KCNH5: variants seen among roughly 807,000 people sequenced by gnomAD.
KCNH5 encodes the protein voltage-gated delayed rectifier potassium channel KCNH5.
Under a neutral mutation model 96.1 loss-of-function variants are expected in KCNH5, and 46 were observed. The observed-to-expected ratio is 0.48, with a 90% CI of 0.38 to 0.61. The LOEUF is 0.61. KCNH5 is among the 20% of genes least tolerant of loss of function. KCNH5 has a pLI of 0.00. For missense variants in KCNH5, 907 were observed against 1,225.8 expected, an observed-to-expected ratio of 0.74 and a Z score of 3.88; for synonymous variants, 439 against 449.8, an observed-to-expected ratio of 0.98 and a Z score of 0.30.
At chr14:62,956,883 A>G (rs908768483) in intron 6 of KCNH5, among the ~76,000 whole-genome samples, 29 of 152,072 alleles carry the variant, frequency 1.9e-4, no homozygotes, top group African/African-American at 6.3e-4. Context: ...TTAGATATTC[A>G]TTGATTTTCT....
At chr14:62,913,414 G>T (rs2050009155) in intron 7 of KCNH5, among the ~76,000 whole-genome samples, 1 of 149,954 alleles carries the variant, frequency 6.7e-6, no homozygotes, top group Non-Finnish European at 1.5e-5. Flanking sequence ...TTTTAGTAGA[G>T]ACGGGGTTTT....
At chr14:62,794,800 T>G (rs560377788) in intron 9 of KCNH5, among the ~76,000 whole-genome samples, 23 of 152,260 alleles carry the variant, frequency 1.5e-4, no homozygotes, top group South Asian at 4.1e-4. Flanking sequence ...TTAAATCCCT[T>G]TTAATTCTTA....
intron 10 of KCNH5, among the ~76,000 whole-genome samples, chr14:62,732,894 T>G (rs1485176490): frequency 2.0e-5 from 3 of 152,074 alleles, no homozygotes; most frequent in Non-Finnish European, 4.4e-5. Context: ...TCTGTCTCTC[T>G]CTCTTTCTCG....
chr14:63,033,189 C>G (rs953726211), intron 1 of KCNH5, among the ~76,000 whole-genome samples: 6 of 152,184 alleles, frequency 3.9e-5, no homozygotes, highest in African/African-American at 1.2e-4. Context: ...GCTTTTGGGA[C>G]TATGAGGTTT....
chr14:62,733,004 G>T (rs1354214582), intron 10 of KCNH5, among the ~76,000 whole-genome samples: 1 of 151,294 alleles, frequency 6.6e-6, no homozygotes, highest in Non-Finnish European at 1.5e-5. Flanking sequence ...GATAATAAAT[G>T]ATAGTGGTGT....
chr14:62,787,899 T>C (rs765178363), intron 9 of KCNH5, among the ~76,000 whole-genome samples: 1 of 152,180 alleles, frequency 6.6e-6, no homozygotes, highest in Admixed American at 6.6e-5. Context: ...TCATTGACAA[T>C]GCATCTGGTC....
intron 7 of KCNH5, among the ~76,000 whole-genome samples, chr14:62,865,416 A>C (rs1482180107): frequency 6.6e-6 from 1 of 152,154 alleles, no homozygotes; most frequent in African/African-American, 2.4e-5. Context: ...CAGGTAAACA[A>C]GCTACCAGAT....
chr14:63,029,931 C>T (rs2139621956), intron 1 of KCNH5, among the ~76,000 whole-genome samples: 1 of 152,108 alleles, frequency 6.6e-6, no homozygotes, highest in Non-Finnish European at 1.5e-5. Flanking sequence ...TTTCTTTTAG[C>T]TTTAAAACAT....
At chr14:62,936,674 C>CAA (rs3080873) in intron 7 of KCNH5, among the ~76,000 whole-genome samples, 17 of 119,732 alleles carry the variant, frequency 1.4e-4, no homozygotes, top group Non-Finnish European at 1.6e-4. Context: ...GACCCTGCCT[C>CAA]AAAAAAAAAA....
At position 62,813,706 on chromosome 14, in the gene KCNH5, C is replaced by T. The variant is rs535468271; in HGVS notation, c.1570-11125G>A. On this transcript the variant is annotated intron_variant, in intron 8 of 10. Transcript: ENST00000322893. Reference sequence around the variant, plus strand: ...TGTTAATTAATCTCTCTTCATGAATCTAATGGAGCTGGTATTATTAAGTCA... The same window carrying T: ...TGTTAATTAATCTCTCTTCATGAATTTAATGGAGCTGGTATTATTAAGTCA... Among the ~76,000 whole-genome samples, 216 of 152,258 alleles carry T rather than the reference C, an allele frequency of 1.4e-3. 1 individual carries two copies. Among genetic ancestry groups the T allele is most frequent in the Middle Eastern group, 3.4e-3 (1 of 294 alleles).
At chr14:62,802,275 A>T in intron 9 of KCNH5, 54 bp downstream of exon 9, 1 of 1,554,766 alleles carries the variant, frequency 6.4e-7, no homozygotes, top group Non-Finnish European at 8.7e-7. Context: ...GAAAAGCAAA[A>T]TATCTAAAAC....
chr14:62,943,003 C>T (rs1273047457), intron 7 of KCNH5, among the ~76,000 whole-genome samples: 1 of 152,116 alleles, frequency 6.6e-6, no homozygotes, highest in Non-Finnish European at 1.5e-5. Context: ...AAATTCCAAT[C>T]TCATAGCCCT....
At chr14:62,947,714 G>GACACACAC (rs373941818) in intron 7 of KCNH5, among the ~76,000 whole-genome samples, 3 of 149,520 alleles carry the variant, frequency 2.0e-5, no homozygotes, top group East Asian at 1.9e-4. Context: ...GGACAGCTTA[G>GACACACAC]ACACACACAC....
At chr14:62,805,748 A>G (rs959192497) in intron 8 of KCNH5, among the ~76,000 whole-genome samples, 1 of 152,204 alleles carries the variant, frequency 6.6e-6, no homozygotes, top group African/African-American at 2.4e-5. Context: ...ATTATATTTC[A>G]GAAGAAAATA....
At chr14:62,712,420 C>T in intron 10 of KCNH5, 1 of 535,874 alleles carries the variant, frequency 1.9e-6, no homozygotes, top group Non-Finnish European at 3.3e-6. Context: ...ACCTATTATT[C>T]TCTACTGTAG....
At chr14:62,850,026 C>T (rs532365283) in intron 7 of KCNH5, among the ~76,000 whole-genome samples, 174 bp from the exon 8 acceptor site, 1 of 152,106 alleles carries the variant, frequency 6.6e-6, no homozygotes, top group Non-Finnish European at 1.5e-5. Flanking sequence ...GAAAACATTA[C>T]CTGCAGTAGG....
rs142060446 is a variant in KCNH5, at chr14:62,938,123, G to T, written c.1369+12010C>A. ...TACAGGACACTTTAAATGAGTAATG[G>T]TCCCAAATTAGACCTTCACAGCTTA... On this transcript the variant is annotated intron_variant, in intron 7 of 10. Coordinates refer to ENST00000322893, the MANE Select transcript of KCNH5 (RefSeq NM_139318.5). 2.6e-4 allele frequency among the ~76,000 whole-genome samples: 39 copies of T among 152,186 alleles called. No individual in the cohort carries two copies. In the East Asian group the frequency reaches 6.4e-3, roughly 25 times the overall value.
intron 7 of KCNH5, among the ~76,000 whole-genome samples, chr14:62,871,901 C>A (rs769120277): frequency 6.6e-6 from 1 of 152,142 alleles, no homozygotes; most frequent in Non-Finnish European, 1.5e-5. Flanking sequence ...CAGACTGAGT[C>A]ATTGTTTGTG....
chr14:62,939,587 C>G lies in KCNH5; in HGVS notation c.1369+10546G>C, dbSNP rs17100549. ...AGAAATCTACAAGTGCTTTTGAACT[C>G]GTCCTTCTAAAATACCCCACATATT... On this transcript the variant is annotated intron_variant, in intron 7 of 10. Coordinates refer to ENST00000322893, the MANE Select transcript of KCNH5 (RefSeq NM_139318.5). Among the ~76,000 whole-genome samples, 1,165 of 152,262 alleles carry G rather than the reference C, an allele frequency of 7.7e-3. 12 individuals are homozygous for G. Among genetic ancestry groups the G allele is most frequent in the African/African-American group, 0.027 (1,107 of 41,542 alleles).
Sources: allele counts gnomAD v4.1 joint callset (sites outside exome capture counted in the v4.1 genomes callset), GRCh38; gene constraint gnomAD v4.1.1; transcripts MANE v1.5; gene names NCBI Gene and HGNC (gene_info 2026-07-23, HGNC 2026-07-21).